The following UACA variants were observed in gnomAD, a reference collection of about 807,000 sequenced individuals.
UACA encodes the protein uveal autoantigen with coiled-coil domains and ankyrin repeats, also known as nuclear membrane binding protein.
UACA carries 112 observed loss-of-function variants against 160.5 expected under a neutral mutation model. The observed-to-expected ratio is 0.70, with a 90% CI of 0.60 to 0.82. The LOEUF is 0.82. UACA is among the 40% of genes least tolerant of loss of function. The pLI is 0.00. For synonymous variants in UACA, 557 were observed against 568.4 expected (o/e 0.98, Z 0.29); for missense variants, 1,574 against 1,614.6 (o/e 0.97, Z 0.43).
intron 7 of UACA, among the ~76,000 whole-genome samples, chr15:70,686,641 T>C (rs1389769994): frequency 6.6e-6 from 1 of 152,014 alleles, no homozygotes; most frequent in Non-Finnish European, 1.5e-5. Flanking sequence ...TTGAGATGCA[T>C]AAAGAAAACA....
At chr15:70,679,436 A>AAATAAATAAATG (rs1897409602) in intron 10 of UACA, among the ~76,000 whole-genome samples, 172 bp downstream of exon 10, 1 of 150,972 alleles carries the variant, frequency 6.6e-6, no homozygotes, top group Admixed American at 6.6e-5. Flanking sequence ...ATAAATAAAT[A>AAATAAATAAATG]AATAGAAGAG....
chr15:70,659,401 T>G (rs796437110), intron 18 of UACA, among the ~76,000 whole-genome samples: 59 of 117,380 alleles, frequency 5.0e-4, no homozygotes, highest in African/African-American at 2.0e-3. Flanking sequence ...GTTTGTTTTT[T>G]TTTTTTTTTT....
rs1393793579 is a variant in UACA, at chr15:70,677,464, C to T, written c.1000-324G>A. 2.0e-5 allele frequency among the ~76,000 whole-genome samples: 3 copies of T among 152,182 alleles called. No homozygotes were observed. The South Asian group carries it at 6.2e-4, about 32-fold the overall frequency. ...TCAGCCTTTTGCTTTTGCATATGTTCAATTTTAGGAAAATCTAACATAGAT... is the reference window on the plus strand; with the variant it reads ...TCAGCCTTTTGCTTTTGCATATGTTTAATTTTAGGAAAATCTAACATAGAT... On this transcript the variant is annotated intron_variant, in intron 11 of 18. Transcript: ENST00000322954.
chr15:70,722,985 A>G (rs1041063691), intron 1 of UACA, among the ~76,000 whole-genome samples: 4 of 152,208 alleles, frequency 2.6e-5, no homozygotes, highest in African/African-American at 9.7e-5. Context: ...TTTTGAGTGA[A>G]TTTCTATTAA....
chr15:70,703,249 A>C (rs1397792742), intron 1 of UACA: 5 of 1,288,002 alleles, frequency 3.9e-6, no homozygotes, highest in Non-Finnish European at 4.0e-6. Context: ...ACTTCCTCTA[A>C]AAAGACACAT....
intron 9 of UACA, among the ~76,000 whole-genome samples, chr15:70,681,244 A>C (rs549712134): frequency 1.3e-5 from 2 of 152,336 alleles, no homozygotes; most frequent in South Asian, 4.1e-4. Context: ...TATTCCCAGC[A>C]CTTAGAACAG....
At chr15:70,754,565 C>A (rs1173172557) in intron 1 of UACA, among the ~76,000 whole-genome samples, 1 of 152,162 alleles carries the variant, frequency 6.6e-6, no homozygotes, top group Non-Finnish European at 1.5e-5. Flanking sequence ...CAAGACATAA[C>A]CCCATAATAA....
intron 12 of UACA, 95 bp from the exon 13 acceptor site, chr15:70,676,686 G>T: frequency 1.0e-6 from 1 of 964,268 alleles, no homozygotes; most frequent in African/African-American, 1.6e-5. Context: ...ATTGCATTGA[G>T]GACTGGAGTT....
intron 1 of UACA, among the ~76,000 whole-genome samples, chr15:70,721,123 G>C (rs1898977982): frequency 6.6e-6 from 1 of 152,194 alleles, no homozygotes; most frequent in African/African-American, 2.4e-5. Flanking sequence ...AGGTTAAAGG[G>C]GGAGGAATGG....
At chr15:70,706,280 C>T (rs1168882015) in intron 1 of UACA, among the ~76,000 whole-genome samples, 1 of 151,966 alleles carries the variant, frequency 6.6e-6, no homozygotes, top group African/African-American at 2.4e-5. Flanking sequence ...ACTGCCTCAA[C>T]ACAATAAAGA....
rs534555168 is a variant in UACA at position 70,661,406 on chromosome 15, G to A, written c.4114-1190C>T. The stretch of plus-strand genomic sequence containing the variant: ...CTTTCTTTATCCCACTTAGCACAGG[G>A]TCATGAACATAATAAACAATAAACA... On this transcript the variant is annotated intron_variant, in intron 17 of 18. Coordinates refer to ENST00000322954, the MANE Select transcript of UACA (RefSeq NM_018003.4). 4 of 152,172 alleles carry A rather than the reference G, an allele frequency of 2.6e-5. No homozygotes were observed. In the East Asian group the frequency reaches 7.7e-4, roughly 29 times the overall value. 9.4% of individuals were successfully genotyped at this position (152,172 alleles called of 1,614,324 possible).
rs1043267468 is a variant in UACA, at chr15:70,655,576, C to T, written c.*1480G>A. The T allele has an allele frequency of 9.9e-5, 15 of 152,072 alleles. No individual in the cohort carries two copies. The highest frequency in any genetic ancestry group is 7.2e-4 in the Admixed American group (11 of 15,264). The allele number at this position is 152,072 out of a possible 1,614,324, so 9.4% of individuals were successfully genotyped here. On this transcript the variant is annotated 3_prime_UTR_variant, in exon 19 of 19. Coordinates refer to ENST00000322954, the MANE Select transcript of UACA (RefSeq NM_018003.4). ...TTTTATTGAAATAGGTGGCCCAAAA[C>T]TTGTGAAACAGAACTCATGCTGAAG...
At chr15:70,760,791 G>C (rs1210153859) in intron 1 of UACA, among the ~76,000 whole-genome samples, 2 of 148,178 alleles carry the variant, frequency 1.3e-5, no homozygotes. Flanking sequence ...TGGCGACCGA[G>C]CGAGACTCCG....
At position 70,666,930 on chromosome 15, in the gene UACA, T is replaced by C. The variant is rs754595776; in HGVS notation, c.3754A>G (p.Arg1252Gly). 1 of 1,612,488 alleles carries C rather than the reference T, an allele frequency of 6.2e-7. No homozygotes were observed. The highest frequency in any genetic ancestry group is 2.2e-5 in the East Asian group (1 of 44,862). ...TCCTCACATACTTCCTCATACTTTC[T>C]ATTCAGATTGGCCAATTTTTCATTT... is the stretch of plus-strand genomic sequence containing the variant. ...SLNEKLANLN[R>G]KYEEVCEEVL... The change falls in exon 16 of 19, where the codon AGA becomes GGA. Residue 1252 changes from arginine (R) to glycine (G), a missense_variant. By Grantham distance (125) the Arg-to-Gly change is moderately radical. Coordinates refer to ENST00000322954, the MANE Select transcript of UACA (RefSeq NM_018003.4).
intron 13 of UACA, among the ~76,000 whole-genome samples, chr15:70,674,754 C>T (rs528346403): frequency 3.3e-5 from 5 of 152,228 alleles, no homozygotes; most frequent in East Asian, 1.9e-4. Context: ...TGTGCCACCA[C>T]GCCCTGCTAA....
chr15:70,658,429 G>A (rs1184540753), intron 18 of UACA, among the ~76,000 whole-genome samples: 1 of 152,102 alleles, frequency 6.6e-6, no homozygotes, highest in Non-Finnish European at 1.5e-5. Flanking sequence ...GTAACAATCT[G>A]TACACTACCA....
At chr15:70,773,570 G>C in the UACA span, among the ~76,000 whole-genome samples, 10 of 152,264 alleles carry the variant, frequency 6.6e-5, no homozygotes, top group Non-Finnish European at 1.3e-4. Context: ...CCCTCAGTTA[G>C]GAGCTTGGAC....
intron 13 of UACA, among the ~76,000 whole-genome samples, chr15:70,675,504 G>A (rs142065614): frequency 3.9e-5 from 6 of 152,286 alleles, no homozygotes; most frequent in Non-Finnish European, 8.8e-5. Context: ...GACACCAAAA[G>A]TTTCTTCACA....
At chr15:70,773,566 G>A in the UACA span, among the ~76,000 whole-genome samples, 1 of 152,082 alleles carries the variant, frequency 6.6e-6, no homozygotes, top group African/African-American at 2.4e-5. Flanking sequence ...TGATCCCTCA[G>A]TTAGGAGCTT....
Sources: allele counts gnomAD v4.1 joint callset (sites outside exome capture counted in the v4.1 genomes callset), GRCh38; gene constraint gnomAD v4.1.1; transcripts MANE v1.5; gene names NCBI Gene and HGNC (gene_info 2026-07-23, HGNC 2026-07-21).